DSCAM: variants seen among roughly 807,000 people sequenced by gnomAD.
The protein encoded by DSCAM is DS cell adhesion molecule.
A neutral mutation model predicts 217.7 loss-of-function variants in DSCAM; 47 were observed. The observed-to-expected ratio is 0.22, with a 90% CI of 0.17 to 0.28. The LOEUF is 0.28. Ranked by LOEUF, DSCAM falls within the 10% of genes least tolerant of loss-of-function variation. The pLI, the probability that DSCAM is intolerant of heterozygous loss-of-function variation, is 1.00. For synonymous variants in DSCAM, 1,056 were observed against 1,015.3 expected, an observed-to-expected ratio of 1.04 and a Z score of -0.76; for missense variants, 2,080 against 2,618.3, an observed-to-expected ratio of 0.79 and a Z score of 4.49.
chr21:40,338,864 G>A (rs930371434), intron 7 of DSCAM, among the ~76,000 whole-genome samples: 3 of 152,184 alleles, frequency 2.0e-5, no homozygotes, highest in African/African-American at 7.2e-5. Flanking sequence ...GGCATGCAGA[G>A]CATAAACCAG....
chr21:40,272,774 G>C (rs73904758), intron 11 of DSCAM, among the ~76,000 whole-genome samples: 5,804 of 152,226 alleles, frequency 0.038, 391 homozygotes, highest in African/African-American at 0.13. Context: ...ATTGAATTTA[G>C]AAATATTTGC....
chr21:40,372,088 G>A (rs2074904787), intron 3 of DSCAM, among the ~76,000 whole-genome samples: 1 of 152,190 alleles, frequency 6.6e-6, no homozygotes, highest in Non-Finnish European at 1.5e-5. Flanking sequence ...CAGGAGTCCT[G>A]TGGAACTATC....
intron 15 of DSCAM, among the ~76,000 whole-genome samples, chr21:40,175,178 T>G (rs1013313184): frequency 6.6e-6 from 1 of 152,170 alleles, no homozygotes; most frequent in Non-Finnish European, 1.5e-5. Flanking sequence ...GGCACGACCT[T>G]GGCTCACTGC....
At chr21:40,413,120 C>T (rs1007550423) in intron 3 of DSCAM, among the ~76,000 whole-genome samples, 1 of 152,216 alleles carries the variant, frequency 6.6e-6, no homozygotes, top group Non-Finnish European at 1.5e-5. Context: ...CCTGGATGCC[C>T]AGGCAGAAGT....
At chr21:40,304,675 G>A (rs528771568) in intron 9 of DSCAM, among the ~76,000 whole-genome samples, 1 of 152,176 alleles carries the variant, frequency 6.6e-6, no homozygotes. Flanking sequence ...CTGTTGTGGG[G>A]CCATTCATTG....
At chr21:40,631,022 A>T (rs191706000) in intron 3 of DSCAM, among the ~76,000 whole-genome samples, 1 of 152,304 alleles carries the variant, frequency 6.6e-6, no homozygotes, top group East Asian at 1.9e-4. Context: ...AAATTAGATA[A>T]CATCCACTTT....
At chr21:40,172,715 C>G (rs1315970078) in intron 15 of DSCAM, among the ~76,000 whole-genome samples, 6 of 152,250 alleles carry the variant, frequency 3.9e-5, no homozygotes, top group African/African-American at 1.2e-4. Context: ...ACCAGTCCCA[C>G]ATTTTTGCCT....
intron 3 of DSCAM, among the ~76,000 whole-genome samples, chr21:40,453,091 T>TGTGA (rs1555921384): frequency 1.7e-4 from 22 of 128,880 alleles, no homozygotes; most frequent in Non-Finnish European, 2.6e-4. Flanking sequence ...TGTGTGTGTG[T>TGTGA]GAGATATATG....
intron 3 of DSCAM, among the ~76,000 whole-genome samples, chr21:40,456,589 T>C (rs2075765268): frequency 6.6e-6 from 1 of 152,120 alleles, no homozygotes. Flanking sequence ...GCTAACGATA[T>C]GTATGCTAAC....
chr21:40,633,245 T>C (rs1199797354), intron 3 of DSCAM, among the ~76,000 whole-genome samples: 1 of 152,146 alleles, frequency 6.6e-6, no homozygotes, highest in Non-Finnish European at 1.5e-5. Flanking sequence ...TGAAACGACT[T>C]TTTCTATTGC....
In DSCAM at chr21:40,761,793, T is replaced by A. The variant is rs552436514; in HGVS notation, c.44-53022A>T. ...TATAGTTCATTACTAGAGAAGTTTC[T>A]CTAAACATGTAGAGCATCAAAACCG... On this transcript the variant is annotated intron_variant, in intron 1 of 32. Coordinates refer to ENST00000400454, the MANE Select transcript of DSCAM (RefSeq NM_001389.5). Among the ~76,000 whole-genome samples, 149 of 152,272 alleles carry A rather than the reference T, an allele frequency of 9.8e-4. 3 individuals carry two copies. The South Asian group carries it at 0.03, about 31-fold the overall frequency.
At chr21:40,645,533 C>T (rs1345740351) in intron 3 of DSCAM, among the ~76,000 whole-genome samples, 1 of 151,960 alleles carries the variant, frequency 6.6e-6, no homozygotes, top group Non-Finnish European at 1.5e-5. Flanking sequence ...TAGGCATCCA[C>T]TATTTAGTAA....
intron 20 of DSCAM, among the ~76,000 whole-genome samples, chr21:40,094,122 G>A (rs2089646926): frequency 6.6e-6 from 1 of 152,074 alleles, no homozygotes; most frequent in South Asian, 2.1e-4. Flanking sequence ...ACAGGCCACA[G>A]CACTTCTGTA....
At chr21:40,387,734 C>G (rs1443626634) in intron 3 of DSCAM, among the ~76,000 whole-genome samples, 1 of 151,858 alleles carries the variant, frequency 6.6e-6, no homozygotes, top group South Asian at 2.1e-4. Flanking sequence ...TGAAATAACT[C>G]GACAATGTTT....
At position 40,478,123 on chromosome 21, in the gene DSCAM, T is replaced by C. The variant is rs549577930; in HGVS notation, c.509-108878A>G. On this transcript the variant is annotated intron_variant, in intron 3 of 32. Transcript: ENST00000400454. ...CACACAGAATATATTCTCTTGTGTC[T>C]GTCTCTCTTCCTTCAACATTACCTT... 1.6e-3 allele frequency among the ~76,000 whole-genome samples: 249 copies of C among 152,372 alleles called. 4 individuals carry two copies. The highest frequency in any genetic ancestry group is 5.7e-3 in the African/African-American group (236 of 41,592).
intron 3 of DSCAM, among the ~76,000 whole-genome samples, chr21:40,432,932 T>C (rs9985057): frequency 0.5 from 75,340 of 151,990 alleles, 18,904 homozygotes; most frequent in Admixed American, 0.61. Flanking sequence ...GACCCATCGC[T>C]TCTCGTTTGT....
In DSCAM at chr21:40,085,828, G is replaced by C; in HGVS notation, c.3969-63C>G. On this transcript the variant is annotated intron_variant, in intron 22 of 32. Coordinates refer to ENST00000400454, the MANE Select transcript of DSCAM (RefSeq NM_001389.5). ...TTACAATCCAAATTAGCTGAGGTTG[G>C]GGAAAAACAGAAAGACTCTGTGAAG... 2.2e-6 allele frequency: 3 copies of C among 1,352,624 alleles called. No homozygotes were observed. The South Asian group carries it at 6.6e-5, about 30-fold the overall frequency. The allele number at this position is 1,352,624 out of a possible 1,614,324, so 83.8% of individuals were successfully genotyped here.
chr21:40,768,963 G>A (rs1569027675), intron 1 of DSCAM, among the ~76,000 whole-genome samples: 1 of 152,248 alleles, frequency 6.6e-6, no homozygotes, highest in Non-Finnish European at 1.5e-5. Context: ...TTATCAAAGA[G>A]ATGCATATTG....
chr21:40,392,753 C>A (rs1455403592), intron 3 of DSCAM, among the ~76,000 whole-genome samples: 1 of 152,066 alleles, frequency 6.6e-6, no homozygotes, highest in Non-Finnish European at 1.5e-5. Context: ...GAGATGCTTC[C>A]CATAAAGGAC....
Sources: allele counts gnomAD v4.1 joint callset (sites outside exome capture counted in the v4.1 genomes callset), GRCh38; gene constraint gnomAD v4.1.1; transcripts MANE v1.5; gene names NCBI Gene and HGNC (gene_info 2026-07-23, HGNC 2026-07-21).